CDH8: variants seen among roughly 807,000 people sequenced by gnomAD.
The protein encoded by CDH8 is cadherin 8.
Under a neutral mutation model 68.1 loss-of-function variants are expected in CDH8, and 17 were observed. The observed-to-expected ratio is 0.25, with a 90% confidence interval of 0.17 to 0.37. The LOEUF (loss-of-function observed/expected upper bound fraction) is 0.37, where lower values mean the gene tolerates loss of function less well. Among genes scored for constraint, CDH8 ranks in the 10% least tolerant of loss-of-function variants. CDH8 has a pLI of 1.00. For missense variants in CDH8, 763 were observed against 999.3 expected (o/e 0.76, Z 3.19); for synonymous variants, 372 against 365.1 (o/e 1.02, Z -0.21).
intron 2 of CDH8, among the ~76,000 whole-genome samples, chr16:61,950,299 G>A (rs1254463332): frequency 6.6e-6 from 1 of 152,130 alleles, no homozygotes; most frequent in African/African-American, 2.4e-5. Flanking sequence ...ACAGAGAGTA[G>A]GATATTTTTA....
intron 8 of CDH8, among the ~76,000 whole-genome samples, chr16:61,746,690 A>T (rs1251503346): frequency 6.6e-6 from 1 of 151,766 alleles, no homozygotes; most frequent in Non-Finnish European, 1.5e-5. Context: ...CTCTAGAAGG[A>T]CTCTAATCCT....
chr16:61,694,135 CTTTTG>C (rs1172529863), intron 10 of CDH8, among the ~76,000 whole-genome samples: 3 of 152,102 alleles, frequency 2.0e-5, no homozygotes, highest in Non-Finnish European at 4.4e-5. Flanking sequence ...CTAAAATTGA[CTTTTG>C]TTTGTTTGTT....
intron 4 of CDH8, among the ~76,000 whole-genome samples, chr16:61,826,915 T>C (rs1472889830): frequency 2.0e-5 from 3 of 152,040 alleles, no homozygotes; most frequent in African/African-American, 7.2e-5. Context: ...ACTACGATGA[T>C]ATTTTTCAAT....
intron 10 of CDH8, among the ~76,000 whole-genome samples, chr16:61,658,502 C>T (rs1475704215): frequency 1.3e-5 from 2 of 151,990 alleles, no homozygotes; most frequent in African/African-American, 4.8e-5. Flanking sequence ...TAACTTATAA[C>T]TTACCTACTG....
At chr16:61,790,627 T>A (rs964071417) in intron 7 of CDH8, among the ~76,000 whole-genome samples, 2 of 152,052 alleles carry the variant, frequency 1.3e-5, no homozygotes, top group Non-Finnish European at 2.9e-5. Flanking sequence ...AGCGCATTTC[T>A]TATACATGTT....
At chr16:61,855,533 C>T (rs1050988927) in intron 4 of CDH8, among the ~76,000 whole-genome samples, 2 of 152,084 alleles carry the variant, frequency 1.3e-5, no homozygotes, top group Non-Finnish European at 2.9e-5. Flanking sequence ...CAGTGCCTGG[C>T]ACACAGTGAA....
chr16:61,697,324 G>GA, intron 10 of CDH8, among the ~76,000 whole-genome samples: 1 of 152,082 alleles, frequency 6.6e-6, no homozygotes, highest in South Asian at 2.1e-4. Context: ...GCAGCTTTGA[G>GA]AACATGTCAC....
chr16:61,998,680 A>C (rs558794716), intron 2 of CDH8, among the ~76,000 whole-genome samples: 1 of 152,316 alleles, frequency 6.6e-6, no homozygotes, highest in Admixed American at 6.5e-5. Context: ...ACTTTAGCCC[A>C]TGGATCAAAG....
At chr16:61,757,157 T>G (rs1201946835) in intron 8 of CDH8, among the ~76,000 whole-genome samples, 1 of 152,114 alleles carries the variant, frequency 6.6e-6, no homozygotes, top group African/African-American at 2.4e-5. Context: ...GTAAAAAAGT[T>G]TTAGTGGATT....
At chr16:61,934,434 G>A (rs989309472) in intron 2 of CDH8, among the ~76,000 whole-genome samples, 4 of 152,066 alleles carry the variant, frequency 2.6e-5, no homozygotes, top group African/African-American at 7.2e-5. Context: ...TAAAGATTGT[G>A]GAGGGACAGT....
chr16:61,654,145 A>C, intron 11 of CDH8, 44 bp from the exon 12 acceptor site: 1 of 1,562,462 alleles, frequency 6.4e-7, no homozygotes, highest in Non-Finnish European at 8.7e-7. Flanking sequence ...ACAAGCATAT[A>C]ATTTCACAAG....
Position 61,696,794 on chromosome 16 carries a change from G to A in CDH8, c.1654+17047C>T, listed in dbSNP as rs144943379. 1.3e-3 allele frequency among the ~76,000 whole-genome samples: 204 copies of A among 152,246 alleles called. 2 individuals carry two copies. The highest frequency in any genetic ancestry group is 4.7e-3 in the African/African-American group (196 of 41,562). ...ATGAAATCATGTCCTTTGCAGAAAC[G>A]TGGATGCAGCTGGAGGCCATTATCC... On this transcript the variant is annotated intron_variant, in intron 10 of 11. Transcript: ENST00000577390.
chr16:61,709,089 G>A (rs3924751), intron 10 of CDH8, among the ~76,000 whole-genome samples: 32,674 of 151,750 alleles, frequency 0.22, 3,896 homozygotes, highest in Middle Eastern at 0.29. Flanking sequence ...AATAATAATG[G>A]ATCTGCTGAA....
intron 3 of CDH8, among the ~76,000 whole-genome samples, chr16:61,892,278 A>G (rs557886256): frequency 2.6e-5 from 4 of 152,272 alleles, no homozygotes; most frequent in East Asian, 3.9e-4. Flanking sequence ...TTCTCATTAG[A>G]TATGTGTCTC....
At chr16:61,965,410 G>C (rs1018580184) in intron 2 of CDH8, among the ~76,000 whole-genome samples, 3 of 152,162 alleles carry the variant, frequency 2.0e-5, no homozygotes, top group African/African-American at 7.2e-5. Flanking sequence ...CCAACACAGG[G>C]CCAGGCGTGG....
intron 2 of CDH8, among the ~76,000 whole-genome samples, chr16:61,939,858 A>G (rs775337823): frequency 6.6e-6 from 1 of 152,204 alleles, no homozygotes; most frequent in African/African-American, 2.4e-5. Context: ...ATTATTTGTC[A>G]CATGGCACAG....
intron 8 of CDH8, among the ~76,000 whole-genome samples, chr16:61,734,812 G>A (rs902507958): frequency 3.3e-5 from 5 of 151,254 alleles, no homozygotes; most frequent in Admixed American, 6.6e-5. Flanking sequence ...TTTCTTTTTC[G>A]TAAACTTGTT....
intron 2 of CDH8, among the ~76,000 whole-genome samples, chr16:61,942,372 C>G (rs1006580799): frequency 6.6e-6 from 1 of 152,112 alleles, no homozygotes; most frequent in Non-Finnish European, 1.5e-5. Context: ...TGAGGTACAC[C>G]TGTAGTCCTA....
chr16:61,789,105 T>C (rs191437649), intron 8 of CDH8, among the ~76,000 whole-genome samples: 3 of 152,250 alleles, frequency 2.0e-5, no homozygotes, highest in Admixed American at 2.0e-4. Context: ...GCATTGTTTT[T>C]AATGGCTGAA....
Sources: gnomAD v4.1 joint callset for allele counts (sites outside exome capture counted in the v4.1 genomes callset) on GRCh38, gnomAD v4.1.1 for gene constraint, MANE v1.5 for transcripts, NCBI Gene and HGNC (gene_info 2026-07-23, HGNC 2026-07-21) for gene names.